EXOC5: variants seen among roughly 807,000 people sequenced by gnomAD.
EXOC5 encodes the protein SEC10-like 1.
Under a neutral mutation model 90.8 loss-of-function variants are expected in EXOC5, and 17 were observed. The observed-to-expected ratio is 0.19, with a 90% CI of 0.13 to 0.28. The LOEUF (loss-of-function observed/expected upper bound fraction) is 0.28. EXOC5 is among the 10% of genes least tolerant of loss of function. The pLI, the probability that EXOC5 is intolerant of heterozygous loss-of-function variation, is 1.00. For missense variants in EXOC5, 569 were observed against 830.6 expected (o/e 0.69, Z 3.87); for synonymous variants, 260 against 270.0 (o/e 0.96, Z 0.36).
chr14:57,262,001 T>C (rs1884516913), intron 1 of EXOC5, among the ~76,000 whole-genome samples: 3 of 152,164 alleles, frequency 2.0e-5, no homozygotes, highest in Admixed American at 6.5e-5. Context: ...GTGACCATCC[T>C]GAAAAATACA....
At chr14:57,225,559 T>C (rs1414547321) in intron 12 of EXOC5, among the ~76,000 whole-genome samples, 1 of 134,850 alleles carries the variant, frequency 7.4e-6, no homozygotes, top group African/African-American at 2.7e-5. Context: ...GATAATATGA[T>C]AATCTACACA....
intron 15 of EXOC5, 119 bp downstream of exon 15, chr14:57,217,863 T>C (rs927135308): frequency 7.7e-6 from 5 of 651,232 alleles, no homozygotes; most frequent in South Asian, 3.7e-5. Context: ...TAAAATCAAA[T>C]GTAGCAATAT....
At chr14:57,249,055 T>C (rs1215557056) in intron 1 of EXOC5, among the ~76,000 whole-genome samples, 1 of 152,152 alleles carries the variant, frequency 6.6e-6, no homozygotes, top group East Asian at 1.9e-4. Context: ...GACCATCACA[T>C]GAAATACCCC....
At position 57,268,708 on chromosome 14, in the gene EXOC5, C is replaced by T. The variant is rs1594693181; in HGVS notation, c.-60G>A. The T allele has an allele frequency of 6.5e-7, 1 of 1,547,838 alleles. No homozygotes were observed. Among genetic ancestry groups the T allele is most frequent in the Admixed American group, 1.9e-5 (1 of 53,194 alleles). On this transcript the variant is annotated 5_prime_UTR_variant, in exon 1 of 18. Coordinates refer to ENST00000621441, the MANE Select transcript of EXOC5 (RefSeq NM_006544.4). ...GCCGTCTCCGCTTCACATGCTGCGC[C>T]TCAGAGGCGCGGCGCACAGGTCTCC...
At chr14:57,239,876 G>A (rs895985066) in intron 4 of EXOC5, among the ~76,000 whole-genome samples, 5 of 152,048 alleles carry the variant, frequency 3.3e-5, no homozygotes, top group African/African-American at 1.2e-4. Flanking sequence ...TAAACATTTA[G>A]CTTTCTGGTA....
rs1882574292 is a variant in EXOC5 at position 57,204,023 on chromosome 14, T to C, written c.*4586A>G. 1 of 152,578 alleles carries C rather than the reference T, an allele frequency of 6.6e-6. No homozygotes were observed. The highest frequency in any genetic ancestry group is 6.6e-5 in the Admixed American group (1 of 15,266). The allele number at this position is 152,578 out of a possible 1,614,324, so 9.5% of individuals were successfully genotyped here. The stretch of plus-strand genomic sequence containing the variant: ...GACTGCTATGTGAAGTATGATGTGA[T>C]ATATTCCTATTTAAACTGGCTTTGT... On this transcript the variant is annotated 3_prime_UTR_variant, in exon 18 of 18. Coordinates refer to ENST00000621441, the MANE Select transcript of EXOC5 (RefSeq NM_006544.4).
chr14:57,259,114 CT>C (rs564124086), intron 1 of EXOC5, among the ~76,000 whole-genome samples: 281 of 144,424 alleles, frequency 1.9e-3, no homozygotes, highest in Middle Eastern at 3.7e-3. Flanking sequence ...ACACACTTTT[CT>C]TTTTTTTTTT....
rs539078857 is a variant in EXOC5 at position 57,203,493 on chromosome 14, G to A, written c.*5116C>T. 32 of 152,654 alleles carry A rather than the reference G, an allele frequency of 2.1e-4. No homozygotes were observed. Among genetic ancestry groups the A allele is most frequent in the African/African-American group, 6.5e-4 (27 of 41,546 alleles). The allele number at this position is 152,654 out of a possible 1,614,324, so 9.5% of individuals were successfully genotyped here. ...ACATAAAGATAACTGGAAGGGATACGACACTTTCTTCATTTAAGATTCCCA... is the reference window on the plus strand; with the variant it reads ...ACATAAAGATAACTGGAAGGGATACAACACTTTCTTCATTTAAGATTCCCA... On this transcript the variant is annotated 3_prime_UTR_variant, in exon 18 of 18. Coordinates refer to ENST00000621441, the MANE Select transcript of EXOC5 (RefSeq NM_006544.4).
At chr14:57,240,443 G>A (rs1351539581) in intron 4 of EXOC5, among the ~76,000 whole-genome samples, 3 of 151,802 alleles carry the variant, frequency 2.0e-5, no homozygotes, top group East Asian at 3.9e-4. Flanking sequence ...CACCATGCCC[G>A]GCTAATTTTT....
chr14:57,212,210 T>A (rs938559672), intron 15 of EXOC5, among the ~76,000 whole-genome samples: 1 of 152,192 alleles, frequency 6.6e-6, no homozygotes, highest in African/African-American at 2.4e-5. Flanking sequence ...AAAGAAACCT[T>A]GGTCAGAAGA....
chr14:57,245,859 C>G (rs2139653248), intron 3 of EXOC5, among the ~76,000 whole-genome samples: 1 of 152,154 alleles, frequency 6.6e-6, no homozygotes, highest in East Asian at 1.9e-4. Context: ...TCAAGACAAA[C>G]CTGGCCAACA....
At chr14:57,246,976 T>C (rs1416917810) in intron 2 of EXOC5, 118 bp from the exon 3 acceptor site, 8 of 580,518 alleles carry the variant, frequency 1.4e-5, no homozygotes, top group Non-Finnish European at 2.3e-5. Flanking sequence ...GAAATGATCA[T>C]GTTAATTTTT....
At chr14:57,232,965 T>C in intron 9 of EXOC5, 1 of 414,990 alleles carries the variant, frequency 2.4e-6, no homozygotes. Flanking sequence ...AGAGGATCTT[T>C]ATCAGTCTTA....
chr14:57,218,705 T>C (rs1262006419), intron 14 of EXOC5, among the ~76,000 whole-genome samples: 7 of 152,100 alleles, frequency 4.6e-5, no homozygotes, highest in Non-Finnish European at 1.0e-4. Context: ...AGACTGTTTC[T>C]GGACTAGTCT....
At position 57,233,729 on chromosome 14, in the gene EXOC5, C is replaced by T; in HGVS notation, c.855+14G>A. On this transcript the variant is annotated intron_variant, in intron 9 of 17. Transcript: ENST00000621441. ...GCTTTAAGAACTATTTAATTTGTTA[C>T]TATTTAAAATTACCTGTAGTTTGAT... The T allele has an allele frequency of 6.9e-7, 1 of 1,450,512 alleles. No homozygotes were observed. The highest frequency in any genetic ancestry group is 9.6e-7 in the Non-Finnish European group (1 of 1,045,586). 89.9% of individuals were successfully genotyped at this position (1,450,512 alleles called of 1,614,324 possible).
intron 3 of EXOC5, 81 bp downstream of exon 3, chr14:57,246,630 C>CT: frequency 3.9e-6 from 5 of 1,267,222 alleles, no homozygotes; most frequent in Non-Finnish European, 5.6e-6. Context: ...TCTGACTAGA[C>CT]TTTTTTAAGA....
At chr14:57,265,777 T>C (rs747473024) in intron 1 of EXOC5, among the ~76,000 whole-genome samples, 1 of 151,974 alleles carries the variant, frequency 6.6e-6, no homozygotes, top group Non-Finnish European at 1.5e-5. Flanking sequence ...ATGTAGAAGA[T>C]ACAATTTATC....
At chr14:57,252,467 T>C (rs761529030) in intron 1 of EXOC5, among the ~76,000 whole-genome samples, 5 of 152,104 alleles carry the variant, frequency 3.3e-5, no homozygotes, top group Non-Finnish European at 7.4e-5. Context: ...ATTTTAAAAA[T>C]GTGTGAAGGG....
At chr14:57,266,492 T>C (rs1884671935) in intron 1 of EXOC5, among the ~76,000 whole-genome samples, 1 of 152,136 alleles carries the variant, frequency 6.6e-6, no homozygotes. Context: ...GTAACTATTA[T>C]GCTTTTAATT....
Sources: gnomAD v4.1 joint callset for allele counts (sites outside exome capture counted in the v4.1 genomes callset) on GRCh38, gnomAD v4.1.1 for gene constraint, MANE v1.5 for transcripts, NCBI Gene and HGNC (gene_info 2026-07-23, HGNC 2026-07-21) for gene names.